The following DDX31 variants were observed in gnomAD, a reference collection of about 807,000 sequenced individuals.
DDX31 encodes ATP-dependent DNA helicase DDX31.
A neutral mutation model predicts 91.3 loss-of-function variants in DDX31; 70 were observed. The observed-to-expected ratio is 0.77, with a 90% confidence interval of 0.63 to 0.94. The LOEUF (loss-of-function observed/expected upper bound fraction) is 0.94. Ranked by LOEUF, DDX31 falls within the 40% of genes least tolerant of loss-of-function variation. DDX31 has a pLI of 0.00. For missense variants in DDX31, 902 were observed against 925.0 expected (o/e 0.98, Z 0.32); for synonymous variants, 362 against 350.6 (o/e 1.03, Z -0.36).
At position 132,623,894 on chromosome 9, in the gene DDX31, C is replaced by T. The variant is rs139781640; in HGVS notation, c.1713+1770G>A. On this transcript the variant is annotated intron_variant, in intron 17 of 19. Transcript: ENST00000372159. ...AAAAAAGAAACCAAAAGGCCGGCTA[C>T]GGTGGCTCACACCTGTAATCCCAGC... Among the ~76,000 whole-genome samples, 74 of 152,218 alleles carry T rather than the reference C, an allele frequency of 4.9e-4. 1 individual carries two copies. Among genetic ancestry groups the T allele is most frequent in the Middle Eastern group, 6.8e-3 (2 of 294 alleles).
At chr9:132,667,795 T>G (rs1174588680) in intron 1 of DDX31, among the ~76,000 whole-genome samples, 1 of 152,234 alleles carries the variant, frequency 6.6e-6, no homozygotes, top group Non-Finnish European at 1.5e-5. Context: ...GACCTCCTGA[T>G]GTAGCAATCT....
In DDX31 at chr9:132,658,224, G is replaced by A. The variant is rs148379505; in HGVS notation, c.588+447C>T. 3.1e-5 allele frequency: 22 copies of A among 698,804 alleles called. No individual in the cohort carries two copies. The East Asian group carries it at 5.1e-4, about 16-fold the overall frequency. The allele number at this position is 698,804 out of a possible 1,614,324, so 43.3% of individuals were successfully genotyped here. On this transcript the variant is annotated intron_variant, in intron 6 of 19. Coordinates refer to ENST00000372159, the MANE Select transcript of DDX31 (RefSeq NM_022779.9). Reference sequence around the variant, plus strand: ...CTTCACTGTAAGTCTTCACACAAGAGTAAGGAGCTTGGTCTCTGCAGCCAA... The same window carrying A: ...CTTCACTGTAAGTCTTCACACAAGAATAAGGAGCTTGGTCTCTGCAGCCAA...
intron 15 of DDX31, among the ~76,000 whole-genome samples, chr9:132,631,038 C>T (rs559865769): frequency 9.8e-5 from 15 of 152,350 alleles, no homozygotes; most frequent in African/African-American, 2.9e-4. Flanking sequence ...TCTGCTTGCA[C>T]GGAGAGCACT....
At chr9:132,667,098 C>T (rs1835362878) in intron 1 of DDX31, among the ~76,000 whole-genome samples, 1 of 151,838 alleles carries the variant, frequency 6.6e-6, no homozygotes, top group South Asian at 2.1e-4. Flanking sequence ...ATCTGCCTGC[C>T]TCGGCCTCCC....
At chr9:132,640,104 C>T (rs1833397330) in intron 14 of DDX31, among the ~76,000 whole-genome samples, 1 of 152,198 alleles carries the variant, frequency 6.6e-6, no homozygotes, top group Non-Finnish European at 1.5e-5. Context: ...AAACAAATCA[C>T]AGTCCTTGTC....
intron 6 of DDX31, among the ~76,000 whole-genome samples, chr9:132,656,884 A>C (rs1025542720): frequency 2.0e-5 from 3 of 152,190 alleles, no homozygotes; most frequent in African/African-American, 7.2e-5. Flanking sequence ...ATTTTTCTCT[A>C]TGTGCCAGGG....
In DDX31 at chr9:132,616,164, C is replaced by T. The variant is rs960308524; in HGVS notation, c.1825+2166G>A. ...AGAAACAGGAGAGAAGGAATGGTGG[C>T]GAGACTTATGTCTGAAATGGGGTGA... On this transcript the variant is annotated intron_variant, in intron 18 of 19. Transcript: ENST00000372159. Among the ~76,000 whole-genome samples, 7 of 152,302 alleles carry T rather than the reference C, an allele frequency of 4.6e-5. No individual in the cohort carries two copies. In the South Asian group the frequency reaches 6.2e-4, roughly 14 times the overall value.
rs973152567 is a variant in DDX31, at chr9:132,669,966, G to C, written c.-32C>G. 3.3e-5 allele frequency: 52 copies of C among 1,578,874 alleles called. No homozygotes were observed. The highest frequency in any genetic ancestry group is 4.4e-5 in the Non-Finnish European group (51 of 1,163,512). On this transcript the variant is annotated 5_prime_UTR_variant, in exon 1 of 20. Transcript: ENST00000372159. ...CGTGGGTGACGCGTGGTGCAGCAGC[G>C]AGCCCGGTGCGCAGACTGCTGGGCC...
intron 1 of DDX31, among the ~76,000 whole-genome samples, chr9:132,666,349 T>TAA (rs769117514): frequency 6.9e-6 from 1 of 144,886 alleles, no homozygotes. Context: ...TTTGATAAGT[T>TAA]AAAAAAAAAA....
Position 132,641,677 on chromosome 9 carries a change from A to G in DDX31, c.1440+327T>C, listed in dbSNP as rs991685441. Reference sequence around the variant, plus strand: ...GGCAATCAGAGTCATTTTGTTGTGGAAAGACTTTCTCAGCTCTAATTACTC... The same window carrying G: ...GGCAATCAGAGTCATTTTGTTGTGGGAAGACTTTCTCAGCTCTAATTACTC... On this transcript the variant is annotated intron_variant, in intron 14 of 19. Transcript: ENST00000372159. Among the ~76,000 whole-genome samples, 3 of 152,358 alleles carry G rather than the reference A, an allele frequency of 2.0e-5. 1 individual carries two copies. In the South Asian group the frequency reaches 6.2e-4, roughly 32 times the overall value.
chr9:132,609,814 G>C (rs887287824), intron 19 of DDX31, among the ~76,000 whole-genome samples: 1 of 152,052 alleles, frequency 6.6e-6, no homozygotes, highest in East Asian at 1.9e-4. Flanking sequence ...TAGAGATGGG[G>C]TTTCACCATC....
chr9:132,595,662 G>GA lies in DDX31; in HGVS notation c.1995-551dup, dbSNP rs1398500745. Among the ~76,000 whole-genome samples the GA allele has an allele frequency of 2.0e-5, 3 of 152,126 alleles. No individual in the cohort carries two copies. Among genetic ancestry groups the GA allele is most frequent in the Non-Finnish European group, 2.9e-5 (2 of 68,022 alleles). On this transcript the variant is annotated intron_variant, in intron 19 of 19. Coordinates refer to ENST00000372159, the MANE Select transcript of DDX31 (RefSeq NM_022779.9). This position sits in a 1 kb window ranked among gnomAD's most constrained non-coding sequence, Gnocchi z 4.6. ...ACAGCCAGATAGCTCTTTATGAACG[G>GA]AAAAAACTCTTAAACATATTTCTGA... is the stretch of plus-strand genomic sequence containing the variant.
At chr9:132,626,763 G>A (rs1028420921) in intron 16 of DDX31, among the ~76,000 whole-genome samples, 6 of 151,926 alleles carry the variant, frequency 3.9e-5, no homozygotes, top group African/African-American at 7.2e-5. Context: ...AAAATGCCAC[G>A]TCTCTGACAG....
rs1427816845 is a variant in DDX31 at position 132,646,905 on chromosome 9, T to C, written c.1121A>G (p.Glu374Gly). ...GDKLDSFAIP[E>G]SLKQHVTVVP... ...CACAGTCACATGCTGCTTGAGACTC[T>C]CTGGTATTGCAAAGCTGTCCAGCTT... is the stretch of plus-strand genomic sequence containing the variant. Residue 374 changes from glutamate (E) to glycine (G), a missense_variant, in exon 12 of 20, where the codon GAG becomes GGG. Physicochemically the swap from Glu to Gly is moderately conservative, Grantham distance 98. Coordinates refer to ENST00000372159, the MANE Select transcript of DDX31 (RefSeq NM_022779.9). 1 of 1,614,182 alleles carries C rather than the reference T, an allele frequency of 6.2e-7. No homozygotes were observed.
At chr9:132,613,045 T>G (rs1364850531) in intron 18 of DDX31, among the ~76,000 whole-genome samples, 1 of 152,094 alleles carries the variant, frequency 6.6e-6, no homozygotes, top group African/African-American at 2.4e-5. Context: ...ACAGGCTAAT[T>G]TTTAAATTTT....
At chr9:132,663,152 C>T (rs1564342253) in intron 1 of DDX31, 32 of 1,285,314 alleles carry the variant, frequency 2.5e-5, no homozygotes, top group Non-Finnish European at 3.0e-5. Context: ...CACTGGAGAC[C>T]GCACAGGAGA....
chr9:132,603,456 T>TA (rs1830833765), intron 19 of DDX31, among the ~76,000 whole-genome samples: 2 of 152,106 alleles, frequency 1.3e-5, no homozygotes, highest in South Asian at 4.2e-4. Context: ...AAAGTAGAGT[T>TA]AGATTAGAAG....
chr9:132,598,206 T>C (rs796248022), intron 19 of DDX31, among the ~76,000 whole-genome samples: 1 of 152,178 alleles, frequency 6.6e-6, no homozygotes. Context: ...TGTCTCCTTT[T>C]CCTTTGTTCC....
At chr9:132,601,393 G>A (rs1382870779) in intron 19 of DDX31, among the ~76,000 whole-genome samples, 1 of 152,198 alleles carries the variant, frequency 6.6e-6, no homozygotes, top group East Asian at 1.9e-4. Context: ...AGAGGTCTGG[G>A]TTCGAATCGC....
Sources: allele counts gnomAD v4.1 joint callset (sites outside exome capture counted in the v4.1 genomes callset), GRCh38; gene constraint gnomAD v4.1.1; non-coding constraint Gnocchi (gnomAD v3.1); transcripts MANE v1.5; gene names NCBI Gene and HGNC (gene_info 2026-07-23, HGNC 2026-07-21).